The following MAML3 variants were observed in gnomAD, a reference collection of about 807,000 sequenced individuals.
MAML3 encodes mastermind like transcriptional coactivator 3.
A neutral mutation model predicts 101.9 loss-of-function variants in MAML3; 27 were observed. The ratio of observed to expected loss-of-function variants is 0.27; its 90% CI spans 0.20 to 0.37. MAML3 has a LOEUF of 0.37. Ranked by LOEUF, MAML3 falls within the 10% of genes least tolerant of loss-of-function variation. MAML3 has a pLI of 1.00. For synonymous variants in MAML3, 501 were observed against 555.9 expected, an observed-to-expected ratio of 0.90 and a Z score of 1.39; for missense variants, 1,316 against 1,444.9, an observed-to-expected ratio of 0.91 and a Z score of 1.45.
intron 2 of MAML3, among the ~76,000 whole-genome samples, chr4:139,845,391 C>G (rs1262919838): frequency 6.6e-6 from 1 of 152,152 alleles, no homozygotes; most frequent in African/African-American, 2.4e-5. Context: ...GTGTCTGAAT[C>G]AGGTCAAACT....
In MAML3 at chr4:139,719,613, C is replaced by T. The variant is rs1728146194; in HGVS notation, c.3127G>A (p.Ala1043Thr). The T allele has an allele frequency of 6.2e-7, 1 of 1,612,756 alleles. No individual in the cohort carries two copies. Among genetic ancestry groups the T allele is most frequent in the Non-Finnish European group, 8.5e-7 (1 of 1,179,454 alleles). Residue 1043 changes from alanine (A) to threonine (T), a missense_variant, in exon 5 of 5, where the codon GCG becomes ACG. Coordinates refer to ENST00000509479, the MANE Select transcript of MAML3 (RefSeq NM_018717.5). ...SLPGQQGTSQ[A>T]RPMVMSGLSQ... is the part of the protein sequence containing the mutation. ...AGGCCAGACATGACCATTGGCCTCG[C>T]CTGGCTGGTGCCTTGCTGCCCCGGG...
chr4:140,069,422 GA>G (rs1374453707), intron 1 of MAML3, among the ~76,000 whole-genome samples: 1 of 13,098 alleles, frequency 7.6e-5, no homozygotes, highest in African/African-American at 4.5e-4. Context: ...AGGAGGAGGG[GA>G]AGGAGGAGAA....
intron 2 of MAML3, among the ~76,000 whole-genome samples, chr4:139,754,696 G>A (rs72946573): frequency 0.025 from 3,736 of 152,200 alleles, 158 homozygotes; most frequent in African/African-American, 0.083. Context: ...GGAAAGATAT[G>A]ACCTATTTAC....
intron 2 of MAML3, among the ~76,000 whole-genome samples, chr4:139,849,876 T>C (rs1731516155): frequency 6.6e-6 from 1 of 152,226 alleles, no homozygotes; most frequent in African/African-American, 2.4e-5. Context: ...AAATAATATT[T>C]GGTACATTTA....
chr4:139,725,067 T>G (rs1399318999), intron 4 of MAML3, among the ~76,000 whole-genome samples: 1 of 152,208 alleles, frequency 6.6e-6, no homozygotes, highest in Admixed American at 6.5e-5. Flanking sequence ...CCAAGGGCTC[T>G]CTCTATTAGA....
intron 2 of MAML3, among the ~76,000 whole-genome samples, chr4:139,796,216 A>T (rs1730508963): frequency 6.6e-6 from 1 of 152,234 alleles, no homozygotes. Flanking sequence ...GATGACTATT[A>T]TGAGGCTTTA....
At position 139,730,565 on chromosome 4, in the gene MAML3, C is replaced by T. The variant is rs143572204; in HGVS notation, c.2182G>A (p.Gly728Ser). 137 of 1,596,002 alleles carry T rather than the reference C, an allele frequency of 8.6e-5. No homozygotes were observed. The highest frequency in any genetic ancestry group is 8.3e-4 in the African/African-American group (62 of 74,738). Reference sequence around the variant, plus strand: ...GCTTGGGGCTGGCTGCCCAGGAAGCCGGGGCCTGCGGGACTGGCTCCTGAG... The same window carrying T: ...GCTTGGGGCTGGCTGCCCAGGAAGCTGGGGCCTGCGGGACTGGCTCCTGAG... Reference protein sequence around the residue: ...MVSGASPAGPGFLGSQPQAAI... With the variant: ...MVSGASPAGPSFLGSQPQAAI... The change falls in exon 3 of 5, where the codon GGC becomes AGC. Residue 728 changes from glycine to serine, a missense_variant. Transcript: ENST00000509479.
In MAML3 at chr4:139,919,774, T is replaced by C. The variant is rs561756551; in HGVS notation, c.469-28807A>G. On this transcript the variant is annotated intron_variant, in intron 1 of 4. Transcript: ENST00000509479. ...GTCTTCATTTTTGTTTGTTCATTTG[T>C]TTTCATGGGATTAAGCTTGGTAAAG... is the stretch of plus-strand genomic sequence containing the variant. Among the ~76,000 whole-genome samples, 5 of 152,340 alleles carry C rather than the reference T, an allele frequency of 3.3e-5. No homozygotes were observed. The South Asian group carries it at 1.0e-3, about 32-fold the overall frequency.
intron 1 of MAML3, among the ~76,000 whole-genome samples, chr4:139,980,895 A>G (rs1734432093): frequency 6.6e-6 from 1 of 152,256 alleles, no homozygotes; most frequent in Non-Finnish European, 1.5e-5. Flanking sequence ...AGAATTGTGT[A>G]GCCAGAGAAT....
At chr4:140,146,335 G>A (rs1358152914) in intron 1 of MAML3, among the ~76,000 whole-genome samples, 1 of 152,086 alleles carries the variant, frequency 6.6e-6, no homozygotes, top group Non-Finnish European at 1.5e-5. Context: ...CCCCTCCACT[G>A]TTTAACAGAT....
At chr4:140,003,349 A>T (rs139749901) in intron 1 of MAML3, among the ~76,000 whole-genome samples, 2,182 of 152,244 alleles carry the variant, frequency 0.014, 52 homozygotes, top group African/African-American at 0.049. Context: ...ATATACTGGG[A>T]GAAAAGTACC....
rs763882800 is a variant in MAML3, at chr4:140,153,191, C to G, written c.137G>C (p.Ser46Thr). 5 of 1,553,732 alleles carry G rather than the reference C, an allele frequency of 3.2e-6. No homozygotes were observed. The highest frequency in any genetic ancestry group is 4.4e-6 in the Non-Finnish European group (5 of 1,148,350). The change falls in exon 1 of 5, where the codon AGC (serine) becomes ACC (threonine). Residue 46 changes from serine (S) to threonine (T), a missense_variant. Ser to Thr is a moderately conservative substitution (Grantham distance 58, BLOSUM62 1). Transcript: ENST00000509479. ...GCATCCACCGGCTGCCGGGTGATTG[C>G]TACTCGGAGCAGCGGGAGTACTATT... is the stretch of plus-strand genomic sequence containing the variant. ...TPNSTPAAPS[S>T]NHPAAGGCGG...
At chr4:140,085,354 T>C (rs1007669709) in intron 1 of MAML3, among the ~76,000 whole-genome samples, 6 of 152,194 alleles carry the variant, frequency 3.9e-5, no homozygotes, top group Non-Finnish European at 2.9e-5. Flanking sequence ...AGTTTGGATC[T>C]GTTTCCCAGG....
At chr4:139,953,392 G>T (rs1733863275) in intron 1 of MAML3, among the ~76,000 whole-genome samples, 1 of 152,226 alleles carries the variant, frequency 6.6e-6, no homozygotes. Flanking sequence ...TTGAGAGGCT[G>T]AGGCGGGTGG....
At chr4:140,111,843 G>C (rs552389218) in intron 1 of MAML3, among the ~76,000 whole-genome samples, 56 of 152,190 alleles carry the variant, frequency 3.7e-4, no homozygotes, top group Non-Finnish European at 2.4e-4. Context: ...GGAAAGAGTG[G>C]AAGTATTTGT....
intron 1 of MAML3, 90 bp downstream of exon 1, chr4:140,152,770 T>G (rs1414926233): frequency 1.3e-6 from 2 of 1,540,158 alleles, no homozygotes; most frequent in South Asian, 1.3e-5. Flanking sequence ...AATCAGACCC[T>G]TGTACCCCCA....
chr4:139,876,371 T>C (rs774643512), intron 2 of MAML3, among the ~76,000 whole-genome samples: 5 of 152,254 alleles, frequency 3.3e-5, no homozygotes, highest in Non-Finnish European at 7.3e-5. Context: ...AACCTGTCAC[T>C]GCTTTGAGAG....
chr4:140,025,097 A>AT (rs1485233947), intron 1 of MAML3, among the ~76,000 whole-genome samples: 1 of 152,224 alleles, frequency 6.6e-6, no homozygotes, highest in African/African-American at 2.4e-5. Flanking sequence ...CTCAAGAGAT[A>AT]TAACAACCAA....
Position 139,890,594 on chromosome 4 carries a change from T to A in MAML3, c.842A>T (p.Asp281Val). The A allele has an allele frequency of 2.5e-6, 4 of 1,613,998 alleles. No individual in the cohort carries two copies. The highest frequency in any genetic ancestry group is 3.4e-6 in the Non-Finnish European group (4 of 1,179,886). ...SKDLKQEPLDDPTCIDTSETS... is the reference protein window; with the variant it reads ...SKDLKQEPLDVPTCIDTSETS... The stretch of plus-strand genomic sequence containing the variant: ...TTCTGATGTGTCTATGCAAGTAGGG[T>A]CATCGAGAGGTTCTTGTTTGAGGTC... Residue 281 changes from aspartate (D) to valine (V), a missense_variant, in exon 2 of 5, where the codon GAC becomes GTC. Coordinates refer to ENST00000509479, the MANE Select transcript of MAML3 (RefSeq NM_018717.5). This position sits in a 1 kb window ranked among gnomAD's most constrained non-coding sequence, Gnocchi z 4.1.
Sources: allele counts gnomAD v4.1 joint callset (sites outside exome capture counted in the v4.1 genomes callset), GRCh38; gene constraint gnomAD v4.1.1; non-coding constraint Gnocchi (gnomAD v3.1); transcripts MANE v1.5; gene names NCBI Gene and HGNC (gene_info 2026-07-23, HGNC 2026-07-21).